The following ZC3H12B variants were observed in gnomAD, a reference collection of about 807,000 sequenced individuals.
The protein encoded by ZC3H12B is probable ribonuclease ZC3H12B.
A neutral mutation model predicts 43.9 loss-of-function variants in ZC3H12B; 7 were observed. That is an observed-to-expected ratio of 0.16 (90% CI 0.09 to 0.30). The LOEUF is 0.30. ZC3H12B is among the 10% of genes least tolerant of loss of function. The pLI, the probability that ZC3H12B is intolerant of heterozygous loss-of-function variation, is 1.00. For synonymous variants in ZC3H12B, 222 were observed against 241.7 expected (o/e 0.92, Z 0.76); for missense variants, 475 against 670.2 (o/e 0.71, Z 3.22).
At chrX:65,274,827 A>C in the ZC3H12B span, among the ~76,000 whole-genome samples, 15 of 111,500 alleles carry the variant, frequency 1.3e-4, no homozygotes, top group African/African-American at 4.9e-4. Flanking sequence ...GAAGTCCCCC[A>C]GTCTGGCCAA....
chrX:65,298,522 A>G, the ZC3H12B span, among the ~76,000 whole-genome samples: 2 of 111,387 alleles, frequency 1.8e-5, no homozygotes, highest in African/African-American at 6.5e-5. Flanking sequence ...AATTCAAGCC[A>G]TTATGGAATA....
intron 2 of ZC3H12B, among the ~76,000 whole-genome samples, chrX:65,397,838 A>G (rs2148044071): frequency 8.9e-6 from 1 of 111,957 alleles, no homozygotes; most frequent in Admixed American, 9.5e-5. Flanking sequence ...AAGAAGTCAA[A>G]CTATTGTTTT....
the ZC3H12B span, among the ~76,000 whole-genome samples, chrX:65,311,090 G>C: frequency 8.9e-6 from 1 of 111,862 alleles, no homozygotes; most frequent in African/African-American, 3.3e-5. Context: ...GCATGGGCAA[G>C]GACTTCATGT....
At chrX:65,281,932 C>G in the ZC3H12B span, among the ~76,000 whole-genome samples, 1 of 111,481 alleles carries the variant, frequency 9.0e-6, no homozygotes, top group African/African-American at 3.3e-5. Context: ...ATATTTATCC[C>G]TAGGACGCAA....
intron 3 of ZC3H12B, among the ~76,000 whole-genome samples, chrX:65,438,682 GA>G (rs749856162): frequency 8.8e-6 from 1 of 113,308 alleles, no homozygotes; most frequent in Non-Finnish European, 1.9e-5. Flanking sequence ...GAAATGAAAG[GA>G]TGGGCCAAAT....
chrX:65,229,143 G>T, the ZC3H12B span, among the ~76,000 whole-genome samples: 1 of 110,366 alleles, frequency 9.1e-6, no homozygotes, highest in Non-Finnish European at 1.9e-5. Context: ...ATACTACAAG[G>T]CTACAGTAAC....
the ZC3H12B span, among the ~76,000 whole-genome samples, chrX:65,234,772 G>A: frequency 8.9e-6 from 1 of 112,044 alleles, no homozygotes; most frequent in Admixed American, 9.5e-5. Context: ...ATGGTGGTTT[G>A]CAGCACAGAT....
chrX:65,170,691 C>G, the ZC3H12B span, among the ~76,000 whole-genome samples: 1 of 111,773 alleles, frequency 8.9e-6, no homozygotes, highest in Non-Finnish European at 1.9e-5. Context: ...TAGGTTTGGT[C>G]TTTTCACATA....
chrX:65,428,406 G>C (rs1311619598), intron 3 of ZC3H12B, among the ~76,000 whole-genome samples: 4 of 111,990 alleles, frequency 3.6e-5, no homozygotes, highest in African/African-American at 1.3e-4. Context: ...TCAGTCTTAA[G>C]TTCAGTCTCT....
chrX:65,390,546 C>T (rs1289344102), intron 2 of ZC3H12B, among the ~76,000 whole-genome samples: 1 of 111,246 alleles, frequency 9.0e-6, no homozygotes, highest in Non-Finnish European at 1.9e-5. Flanking sequence ...AATTTATAGG[C>T]ACTTAACACT....
At chrX:65,212,665 AAT>A in the ZC3H12B span, among the ~76,000 whole-genome samples, 2 of 88,586 alleles carry the variant, frequency 2.3e-5, no homozygotes, top group African/African-American at 4.2e-5. Context: ...ATTATATATA[AAT>A]ATATATGATT....
At chrX:65,299,678 C>A in the ZC3H12B span, among the ~76,000 whole-genome samples, 1 of 112,237 alleles carries the variant, frequency 8.9e-6, no homozygotes, top group Non-Finnish European at 1.9e-5. Context: ...ATTGCAGCTT[C>A]CACTCAGACA....
At chrX:65,292,862 T>C in the ZC3H12B span, among the ~76,000 whole-genome samples, 26,155 of 110,137 alleles carry the variant, frequency 0.24, 7,597 homozygotes, top group African/African-American at 0.82. Flanking sequence ...TACTTGCCTG[T>C]GGTCTTAGAT....
the ZC3H12B span, among the ~76,000 whole-genome samples, chrX:65,307,207 A>T: frequency 8.9e-6 from 1 of 112,197 alleles, no homozygotes; most frequent in Admixed American, 9.5e-5. Context: ...GACAGTCTTT[A>T]AAGTAATATA....
the ZC3H12B span, among the ~76,000 whole-genome samples, chrX:65,111,927 G>C: frequency 9.0e-6 from 1 of 111,582 alleles, no homozygotes; most frequent in Admixed American, 9.6e-5. Context: ...AAGAAGAGTA[G>C]CATATTTCTC....
chrX:65,246,530 C>G, the ZC3H12B span, among the ~76,000 whole-genome samples: 1 of 111,815 alleles, frequency 8.9e-6, no homozygotes, highest in Admixed American at 9.5e-5. Context: ...GCTACAGCAA[C>G]CAAAACAGCC....
chrX:65,327,030 A>G, the ZC3H12B span, among the ~76,000 whole-genome samples: 1 of 111,601 alleles, frequency 9.0e-6, no homozygotes, highest in Non-Finnish European at 1.9e-5. Flanking sequence ...TGGGAGAAAT[A>G]TAAATTAGTA....
the ZC3H12B span, among the ~76,000 whole-genome samples, chrX:65,260,442 G>A: frequency 9.0e-6 from 1 of 111,089 alleles, no homozygotes; most frequent in Non-Finnish European, 1.9e-5. Flanking sequence ...AGAAGGTTAA[G>A]GATCAAAAAA....
At chrX:65,051,334 G>C in the ZC3H12B span, among the ~76,000 whole-genome samples, 1 of 110,571 alleles carries the variant, frequency 9.0e-6, no homozygotes, top group Non-Finnish European at 1.9e-5. Flanking sequence ...TTTCTTCTCT[G>C]TGTATTTCTG....
Sources: allele counts gnomAD v4.1 joint callset (sites outside exome capture counted in the v4.1 genomes callset), GRCh38; gene constraint gnomAD v4.1.1; transcripts MANE v1.5; gene names NCBI Gene and HGNC (gene_info 2026-07-23, HGNC 2026-07-21).